Variants in FBXL17 observed in about 807,000 individuals in gnomAD.
The protein encoded by FBXL17 is F-box and leucine rich repeat protein 17.
FBXL17 carries 22 observed loss-of-function variants against 66.2 expected under a neutral mutation model. That is an observed-to-expected ratio of 0.33 (90% CI 0.24 to 0.47). FBXL17 has a LOEUF of 0.47. Among genes scored for constraint, FBXL17 ranks in the 20% least tolerant of loss-of-function variants. FBXL17 has a pLI of 1.00. For synonymous variants in FBXL17, 474 were observed against 400.5 expected, an observed-to-expected ratio of 1.18 and a Z score of -2.19; for missense variants, 878 against 948.2, an observed-to-expected ratio of 0.93 and a Z score of 0.97.
chr5:108,250,787 T>C (rs77131181), intron 4 of FBXL17, among the ~76,000 whole-genome samples: 357 of 152,236 alleles, frequency 2.3e-3, no homozygotes, highest in Non-Finnish European at 4.4e-3. Context: ...CAAATGCTCA[T>C]GTATGGTATA....
chr5:108,051,275 CACA>C (rs1747463475), intron 6 of FBXL17, among the ~76,000 whole-genome samples: 1 of 152,098 alleles, frequency 6.6e-6, no homozygotes, highest in Non-Finnish European at 1.5e-5. Flanking sequence ...TGGGAAGAGA[CACA>C]ACAACAAAAA....
At chr5:108,351,102 T>C (rs1393671758) in intron 3 of FBXL17, among the ~76,000 whole-genome samples, 3 of 152,182 alleles carry the variant, frequency 2.0e-5, no homozygotes, top group African/African-American at 7.2e-5. Flanking sequence ...TCTTCATTAG[T>C]GTTAAGAGTA....
chr5:108,184,269 CAA>C (rs1374185188), intron 6 of FBXL17, among the ~76,000 whole-genome samples: 1 of 152,012 alleles, frequency 6.6e-6, no homozygotes, highest in Non-Finnish European at 1.5e-5. Flanking sequence ...ACTAAAAATA[CAA>C]AACTTAGTCG....
intron 6 of FBXL17, among the ~76,000 whole-genome samples, chr5:108,029,985 C>T (rs1754972872): frequency 6.6e-6 from 1 of 152,074 alleles, no homozygotes; most frequent in Non-Finnish European, 1.5e-5. Context: ...TCTTTCTAAA[C>T]TGTTTAATAA....
intron 6 of FBXL17, among the ~76,000 whole-genome samples, chr5:108,055,432 C>T (rs1747663494): frequency 6.7e-6 from 1 of 150,188 alleles, no homozygotes; most frequent in South Asian, 2.1e-4. Flanking sequence ...CACAGTGAAA[C>T]TCCGTCTCTA....
chr5:108,144,726 T>C (rs1751491702), intron 6 of FBXL17, among the ~76,000 whole-genome samples: 2 of 152,168 alleles, frequency 1.3e-5, no homozygotes, highest in Non-Finnish European at 2.9e-5. Flanking sequence ...GAAACTTCTT[T>C]AACACATATA....
At chr5:108,016,485 G>A (rs1339386968) in intron 7 of FBXL17, among the ~76,000 whole-genome samples, 1 of 152,168 alleles carries the variant, frequency 6.6e-6, no homozygotes, top group African/African-American at 2.4e-5. Flanking sequence ...GCCCACAGGA[G>A]TGCTAAAGTG....
chr5:108,221,268 C>T (rs2150072747), intron 5 of FBXL17, among the ~76,000 whole-genome samples: 1 of 152,258 alleles, frequency 6.6e-6, no homozygotes, highest in South Asian at 2.1e-4. Context: ...ATTCCCAATC[C>T]TCTGTTTTCT....
intron 4 of FBXL17, among the ~76,000 whole-genome samples, chr5:108,238,343 G>A (rs533574851): frequency 3.3e-5 from 5 of 152,208 alleles, no homozygotes; most frequent in Admixed American, 1.3e-4. Flanking sequence ...TACTGAGTTC[G>A]TGTTATGCGC....
At chr5:108,209,438 C>T (rs1039653895) in intron 5 of FBXL17, among the ~76,000 whole-genome samples, 1 of 152,156 alleles carries the variant, frequency 6.6e-6, no homozygotes, top group Non-Finnish European at 1.5e-5. Context: ...ATGATACTCA[C>T]TGTGGGTTTG....
At chr5:108,216,014 GT>G (rs1447221136) in intron 5 of FBXL17, among the ~76,000 whole-genome samples, 1 of 152,130 alleles carries the variant, frequency 6.6e-6, no homozygotes, top group Non-Finnish European at 1.5e-5. Context: ...AGATGTGTGA[GT>G]TTATTTCTGG....
chr5:107,920,762 T>A (rs1288777425), intron 7 of FBXL17, among the ~76,000 whole-genome samples: 3 of 152,140 alleles, frequency 2.0e-5, no homozygotes, highest in African/African-American at 7.2e-5. Flanking sequence ...CTCCAGGAAG[T>A]ACCTAATCCT....
intron 4 of FBXL17, among the ~76,000 whole-genome samples, chr5:108,237,730 A>T (rs1353720055): frequency 6.6e-6 from 1 of 152,126 alleles, no homozygotes; most frequent in Non-Finnish European, 1.5e-5. Flanking sequence ...GCTGGCCAGG[A>T]GGCTATGGAT....
At chr5:107,980,664 A>ATTTTTTTTTTTTTTTTTTTTTTT (rs57472813) in intron 7 of FBXL17, among the ~76,000 whole-genome samples, 1 of 62,072 alleles carries the variant, frequency 1.6e-5, no homozygotes, top group African/African-American at 1.0e-4. Flanking sequence ...ATATATATAT[A>ATTTTTTTTTTTTTTTTTTTTTTT]TTTTTTTTTT....
At chr5:107,872,228 G>A (rs1353538579) in intron 8 of FBXL17, among the ~76,000 whole-genome samples, 1 of 152,322 alleles carries the variant, frequency 6.6e-6, no homozygotes, top group East Asian at 1.9e-4. Flanking sequence ...GGCTCTGAAA[G>A]ATGCCAAGTT....
chr5:108,375,766 C>T (rs2112637328), intron 1 of FBXL17, among the ~76,000 whole-genome samples: 1 of 152,294 alleles, frequency 6.6e-6, no homozygotes. Context: ...TACTTCCCAA[C>T]TCATGCTATA....
rs530003440 is a variant in FBXL17, at chr5:107,904,593, G to A, written c.1823-23414C>T. ...TCTCTCCTTAAATAGCCTGCTTTGG[G>A]GCCTAGAGCAAAAGCACAGACATCA... On this transcript the variant is annotated intron_variant, in intron 7 of 8. Transcript: ENST00000542267. Among the ~76,000 whole-genome samples the A allele has an allele frequency of 1.4e-4, 21 of 151,902 alleles. No homozygotes were observed. The South Asian group carries it at 4.4e-3, about 32-fold the overall frequency.
At chr5:107,946,244 T>C (rs1372854008) in intron 7 of FBXL17, among the ~76,000 whole-genome samples, 2 of 120,472 alleles carry the variant, frequency 1.7e-5, no homozygotes, top group South Asian at 2.6e-4. Context: ...ATTACTTTTA[T>C]CAATCTCATT....
chr5:108,283,839 CAA>C (rs1757794821), intron 4 of FBXL17, among the ~76,000 whole-genome samples: 1 of 151,214 alleles, frequency 6.6e-6, no homozygotes, highest in African/African-American at 2.4e-5. Context: ...CACCAACAAC[CAA>C]AGACTACAAA....
Sources: gnomAD v4.1 joint callset for allele counts (sites outside exome capture counted in the v4.1 genomes callset) on GRCh38, gnomAD v4.1.1 for gene constraint, MANE v1.5 for transcripts, NCBI Gene and HGNC (gene_info 2026-07-23, HGNC 2026-07-21) for gene names.